MTRFR: variants seen among roughly 807,000 people sequenced by gnomAD.
The protein encoded by MTRFR is mitochondrial translation release factor in rescue.
A neutral mutation model predicts 11.9 loss-of-function variants in MTRFR; 10 were observed. The ratio of observed to expected loss-of-function variants is 0.84; its 90% CI spans 0.52 to 1.42. MTRFR has a LOEUF of 1.42. MTRFR is among the 40% of genes most tolerant of loss of function. The probability of loss-of-function intolerance (pLI) is 0.00; values close to 1 mark genes in which losing one functional copy is unlikely to be tolerated. For synonymous variants in MTRFR, 77 were observed against 79.1 expected, an observed-to-expected ratio of 0.97 and a Z score of 0.14; for missense variants, 196 against 197.9, an observed-to-expected ratio of 0.99 and a Z score of 0.06.
At chr12:123,246,239 A>C (rs941258428) in intron 1 of MTRFR, among the ~76,000 whole-genome samples, 1 of 151,448 alleles carries the variant, frequency 6.6e-6, no homozygotes, top group African/African-American at 2.4e-5. Context: ...TATTTTCAGT[A>C]GAGACGGGGT....
In MTRFR at chr12:123,246,832, G is replaced by A. The variant is rs895384761; in HGVS notation, c.-28-6815G>A. 6.5e-5 allele frequency among the ~76,000 whole-genome samples: 9 copies of A among 137,902 alleles called. 1 individual carries two copies. Among genetic ancestry groups the A allele is most frequent in the Non-Finnish European group, 9.1e-5 (6 of 66,222 alleles). The allele number at this position is 137,902 out of a possible 152,430, so 90.5% of individuals were successfully genotyped here. ...TGCAAGCTCCACCTCCCGGGTTCAC[G>A]CCATTCTCCTGCCTCAGCCTCCCCA... On this transcript the variant is annotated intron_variant, in intron 1 of 2. Transcript: ENST00000253233.
chr12:123,234,195 C>T (rs567263303), intron 1 of MTRFR, among the ~76,000 whole-genome samples: 16 of 152,268 alleles, frequency 1.1e-4, no homozygotes, highest in Admixed American at 7.2e-4. Flanking sequence ...CATAGTTAAC[C>T]TTTAAGGTCT....
Position 123,253,107 on chromosome 12 carries a change from T to TTTTTTTTTTTTTTTTTTTTTTTTTG in MTRFR, c.-28-540_-28-539insTTTTTTTTTTTTTTTTTTTTTTTTG, listed in dbSNP as rs766114484. 2.2e-4 allele frequency among the ~76,000 whole-genome samples: 14 copies of TTTTTTTTTTTTTTTTTTTTTTTTTG among 63,360 alleles called. 5 individuals are homozygous for TTTTTTTTTTTTTTTTTTTTTTTTTG. Among genetic ancestry groups the TTTTTTTTTTTTTTTTTTTTTTTTTG allele is most frequent in the Non-Finnish European group, 3.7e-4 (11 of 29,412 alleles). 41.6% of individuals were successfully genotyped at this position (63,360 alleles called of 152,430 possible). A position where few individuals can be genotyped will look rare whatever the true frequency, so the allele number is the denominator to read the frequency against. ...TTTTTTTTTTTTTTTTTTTTTTTTT[T>TTTTTTTTTTTTTTTTTTTTTTTTTG]GAGACACTGTCTCGCTCTGTTGTCC... On this transcript the variant is annotated intron_variant, in intron 1 of 2. Transcript: ENST00000253233.
At position 123,253,650 on chromosome 12, in the gene MTRFR, C is replaced by G. The variant is rs1298303814; in HGVS notation, c.-25C>G. On this transcript the variant is annotated 5_prime_UTR_variant, in exon 2 of 3. Coordinates refer to ENST00000253233, the MANE Select transcript of MTRFR (RefSeq NM_152269.5). Reference sequence around the variant, plus strand: ...TCTCCTTATTCATCTAACCCAGGTCCTCAGCCAGCAGAGCCACGTTCCTTA... The same window carrying G: ...TCTCCTTATTCATCTAACCCAGGTCGTCAGCCAGCAGAGCCACGTTCCTTA... 5 of 1,614,068 alleles carry G rather than the reference C, an allele frequency of 3.1e-6. No homozygotes were observed. Among genetic ancestry groups the G allele is most frequent in the Non-Finnish European group, 4.2e-6 (5 of 1,180,020 alleles).
chr12:123,235,862 G>A (rs1256338121), intron 1 of MTRFR, among the ~76,000 whole-genome samples: 3 of 151,620 alleles, frequency 2.0e-5, no homozygotes, highest in African/African-American at 7.3e-5. Flanking sequence ...TCAGGAGTTC[G>A]AGACCAGCCT....
chr12:123,248,650 A>G (rs2048073285), intron 1 of MTRFR: 1 of 152,260 alleles, frequency 6.6e-6, no homozygotes, highest in Non-Finnish European at 1.5e-5. Context: ...CACAGACCCA[A>G]GGAGTGAGCA....
intron 1 of MTRFR, among the ~76,000 whole-genome samples, chr12:123,243,349 C>G: frequency 6.6e-6 from 1 of 151,792 alleles, no homozygotes; most frequent in Admixed American, 6.6e-5. Context: ...GCTAACATGG[C>G]AAAACCCCGT....
At chr12:123,239,797 T>TC (rs2047903197) in intron 1 of MTRFR, among the ~76,000 whole-genome samples, 1 of 152,098 alleles carries the variant, frequency 6.6e-6, no homozygotes, top group African/African-American at 2.4e-5. Flanking sequence ...TGACCCAGTT[T>TC]CCCAATCTCC....
In MTRFR at chr12:123,257,094, G is replaced by A. The variant is rs552328115; in HGVS notation, c.*63G>A. ...GAAGCTCCCAGGGAATAATGGTGGC[G>A]AGTTCCATCACCAGCATTATTATAG... On this transcript the variant is annotated 3_prime_UTR_variant, in exon 3 of 3. Coordinates refer to ENST00000253233, the MANE Select transcript of MTRFR (RefSeq NM_152269.5). 25 of 1,256,278 alleles carry A rather than the reference G, an allele frequency of 2.0e-5. No individual in the cohort carries two copies. Among genetic ancestry groups the A allele is most frequent in the East Asian group, 4.6e-5 (2 of 43,272 alleles). The allele number at this position is 1,256,278 out of a possible 1,614,324, so 77.8% of individuals were successfully genotyped here.
chr12:123,239,043 G>T (rs1050518502), intron 1 of MTRFR, among the ~76,000 whole-genome samples: 5 of 152,178 alleles, frequency 3.3e-5, no homozygotes, highest in Non-Finnish European at 7.3e-5. Context: ...GGCTGAGGAA[G>T]GCAGATCGCT....
chr12:123,239,653 T>C (rs1000981229), intron 1 of MTRFR, among the ~76,000 whole-genome samples: 14 of 152,118 alleles, frequency 9.2e-5, no homozygotes, highest in Non-Finnish European at 1.6e-4. Flanking sequence ...CTGCCCGCCT[T>C]GGCCTCCCAA....
chr12:123,243,301 C>T (rs1156981621), intron 1 of MTRFR, among the ~76,000 whole-genome samples: 4 of 151,438 alleles, frequency 2.6e-5, no homozygotes, highest in African/African-American at 9.7e-5. Flanking sequence ...GAGGCCGAGG[C>T]GGGCGGATCA....
chr12:123,239,994 G>C (rs1328979686), intron 1 of MTRFR, among the ~76,000 whole-genome samples: 1 of 152,080 alleles, frequency 6.6e-6, no homozygotes, highest in Non-Finnish European at 1.5e-5. Flanking sequence ...CAGCATCCTT[G>C]TTTAAAGCAC....
chr12:123,253,478 GGA>G (rs749211344), intron 1 of MTRFR, 167 bp from the exon 2 acceptor site: 30 of 654,786 alleles, frequency 4.6e-5, no homozygotes, highest in Non-Finnish European at 7.8e-5. Flanking sequence ...GCAAGGCTGA[GGA>G]GAGGGGCGTC....
intron 1 of MTRFR, among the ~76,000 whole-genome samples, chr12:123,244,663 C>T (rs1262635672): frequency 2.0e-5 from 3 of 152,036 alleles, no homozygotes; most frequent in Non-Finnish European, 2.9e-5. Flanking sequence ...GACAGAGTCT[C>T]GCTCTGTCAC....
intron 1 of MTRFR, chr12:123,251,412 TGGA>T (rs1444176173): frequency 6.6e-6 from 1 of 152,284 alleles, no homozygotes; most frequent in African/African-American, 2.4e-5. Flanking sequence ...CTTCTCCCTG[TGGA>T]GTTTTATCCC....
chr12:123,234,569 G>A (rs779013271), intron 1 of MTRFR, among the ~76,000 whole-genome samples: 2 of 152,162 alleles, frequency 1.3e-5, no homozygotes, highest in South Asian at 4.1e-4. Context: ...CTAATTTTTT[G>A]TATTTTTAGT....
chr12:123,244,437 C>CA (rs895107779), intron 1 of MTRFR, among the ~76,000 whole-genome samples: 3 of 150,782 alleles, frequency 2.0e-5, no homozygotes, highest in Non-Finnish European at 4.4e-5. Flanking sequence ...CATCTCAAAA[C>CA]AAAAAACAAA....
intron 1 of MTRFR, chr12:123,233,796 C>T (rs1313887620): frequency 6.5e-6 from 1 of 152,672 alleles, no homozygotes; most frequent in African/African-American, 2.4e-5. Context: ...AGAGGAGAGA[C>T]TACCGTCCTG....
Sources: allele counts gnomAD v4.1 joint callset (sites outside exome capture counted in the v4.1 genomes callset), GRCh38; gene constraint gnomAD v4.1.1; transcripts MANE v1.5; gene names NCBI Gene and HGNC (gene_info 2026-07-23, HGNC 2026-07-21).